Variants in BLK observed in about 807,000 individuals in gnomAD.
BLK encodes tyrosine-protein kinase Blk.
A neutral mutation model predicts 61.8 loss-of-function variants in BLK; 64 were observed. That is an observed-to-expected ratio of 1.03 (90% CI 0.85 to 1.27). The LOEUF (loss-of-function observed/expected upper bound fraction) is 1.27, where lower values mean the gene tolerates loss of function less well. Ranked by LOEUF, BLK falls within the 50% of genes most tolerant of loss-of-function variation. BLK has a pLI of 0.00. For synonymous variants in BLK, 351 were observed against 272.0 expected (o/e 1.29, Z -2.86); for missense variants, 853 against 660.5 (o/e 1.29, Z -3.19).
At chr8:11,515,120 T>G (rs1338375901) in intron 1 of BLK, among the ~76,000 whole-genome samples, 1 of 152,146 alleles carries the variant, frequency 6.6e-6, no homozygotes, top group East Asian at 1.9e-4. Flanking sequence ...ACTTTCAGGG[T>G]TTTGCCCTGT....
intron 1 of BLK, among the ~76,000 whole-genome samples, chr8:11,495,961 T>TA (rs993768408): frequency 2.0e-5 from 3 of 152,082 alleles, no homozygotes. Flanking sequence ...AATAAAGAGT[T>TA]AAAAAAAATT....
At chr8:11,530,773 T>C (rs2249275) in intron 1 of BLK, among the ~76,000 whole-genome samples, 150,053 of 152,324 alleles carry the variant, frequency 0.99, 73,924 homozygotes, top group East Asian at 1. Flanking sequence ...AGTTACTGAA[T>C]GTTTTGGTTG....
chr8:11,506,726 G>A (rs112484431), intron 1 of BLK, among the ~76,000 whole-genome samples: 88 of 152,280 alleles, frequency 5.8e-4, no homozygotes, highest in African/African-American at 1.9e-3. Context: ...CATGCAGGGG[G>A]CTGCTAGAAT....
At chr8:11,547,934 A>G in intron 3 of BLK, 98 bp from the exon 4 acceptor site, 1 of 1,040,562 alleles carries the variant, frequency 9.6e-7, no homozygotes, top group African/African-American at 1.6e-5. Context: ...CATCGTGGGC[A>G]AGCAGAAGCC....
intron 10 of BLK, chr8:11,560,491 C>A (rs745971745): frequency 2.0e-5 from 5 of 247,202 alleles, no homozygotes; most frequent in Non-Finnish European, 3.2e-5. Flanking sequence ...GTGCTGGCTT[C>A]TTGAAGTCGC....
chr8:11,515,153 T>C (rs1351114268), intron 1 of BLK, among the ~76,000 whole-genome samples: 1 of 152,086 alleles, frequency 6.6e-6, no homozygotes, highest in Non-Finnish European at 1.5e-5. Flanking sequence ...TGCCAGGAGA[T>C]GGAAGCTCTC....
intron 1 of BLK, among the ~76,000 whole-genome samples, chr8:11,506,852 C>G (rs975826646): frequency 2.6e-5 from 4 of 152,214 alleles, no homozygotes; most frequent in African/African-American, 9.7e-5. Context: ...CTCAGGGAGG[C>G]CACTTGAGAC....
chr8:11,555,398 G>C lies in BLK; in HGVS notation c.686G>C (p.Trp229Ser). The change falls in exon 8 of 13, where the codon TGG (tryptophan) becomes TCG (serine). Residue 229 changes from tryptophan to serine, a missense_variant. Transcript: ENST00000259089. The part of the protein sequence containing the change: ...PCVRPAPQNP[W>S]AQDEWEIPRQ... ...GTGCGCCCGGCCCCGCAGAATCCCTGGGCCCAGGATGAATGGGAGATCCCC... is the reference window on the plus strand; with the variant it reads ...GTGCGCCCGGCCCCGCAGAATCCCTCGGCCCAGGATGAATGGGAGATCCCC... 1 of 1,614,150 alleles carries C rather than the reference G, an allele frequency of 6.2e-7. No individual in the cohort carries two copies. Among genetic ancestry groups the C allele is most frequent in the Non-Finnish European group, 8.5e-7 (1 of 1,180,022 alleles).
chr8:11,562,686 C>A (rs769593683), intron 11 of BLK, among the ~76,000 whole-genome samples: 1 of 152,244 alleles, frequency 6.6e-6, no homozygotes, highest in South Asian at 2.1e-4. Flanking sequence ...CAGGTGGAAA[C>A]GTGGTGGCTG....
chr8:11,502,117 T>C (rs888454731), intron 1 of BLK, among the ~76,000 whole-genome samples: 6 of 152,188 alleles, frequency 3.9e-5, no homozygotes, highest in African/African-American at 7.2e-5. Context: ...TTCCGCCTTA[T>C]AGACACAGTC....
At chr8:11,532,022 C>T (rs796279169) in intron 1 of BLK, among the ~76,000 whole-genome samples, 12 of 152,158 alleles carry the variant, frequency 7.9e-5, no homozygotes, top group African/African-American at 2.9e-4. Flanking sequence ...CCAAACCCAG[C>T]TAGTTTTTGC....
intron 1 of BLK, among the ~76,000 whole-genome samples, chr8:11,542,185 T>G (rs538738136): frequency 6.6e-6 from 1 of 152,354 alleles, no homozygotes; most frequent in South Asian, 2.1e-4. Context: ...CATTTAATTA[T>G]GTATCACTAA....
intron 1 of BLK, among the ~76,000 whole-genome samples, chr8:11,498,727 C>A (rs1489535369): frequency 6.6e-6 from 1 of 152,172 alleles, no homozygotes; most frequent in Non-Finnish European, 1.5e-5. Flanking sequence ...ATACGAGCAG[C>A]CTTACCTGTC....
At chr8:11,554,540 T>G (rs1801096639) in intron 6 of BLK, among the ~76,000 whole-genome samples, 2 of 152,076 alleles carry the variant, frequency 1.3e-5, no homozygotes, top group Admixed American at 6.6e-5. Flanking sequence ...GATGCCAAGG[T>G]CAGAGTCAGA....
At chr8:11,506,451 G>A (rs555222887) in intron 1 of BLK, among the ~76,000 whole-genome samples, 3 of 152,338 alleles carry the variant, frequency 2.0e-5, no homozygotes, top group South Asian at 2.1e-4. Context: ...TTATGAGGGC[G>A]TTCCTGGCCT....
At chr8:11,511,806 A>G (rs1043609123) in intron 1 of BLK, among the ~76,000 whole-genome samples, 10 of 152,224 alleles carry the variant, frequency 6.6e-5, no homozygotes, top group African/African-American at 1.9e-4. Context: ...TCTTGACCCC[A>G]AAGTATTGGC....
Position 11,548,075 on chromosome 8 carries a change from T to C in BLK, c.219T>C (p.Asn73=). ...CTCTGTATGACTACACCGCTATGAA[T>C]GATCGGGACCTGCAGATGCTGAAGG... ...VVALYDYTAM[N]DRDLQMLKGE... The change falls in exon 4 of 13, where the codon AAT becomes AAC. Residue 73 remains asparagine, a synonymous_variant. Coordinates refer to ENST00000259089, the MANE Select transcript of BLK (RefSeq NM_001715.3). 6.2e-7 allele frequency: 1 copy of C among 1,614,070 alleles called. No homozygotes were observed. Among genetic ancestry groups the C allele is most frequent in the Non-Finnish European group, 8.5e-7 (1 of 1,180,012 alleles).
chr8:11,505,572 C>A (rs765273460), intron 1 of BLK, among the ~76,000 whole-genome samples: 3 of 152,210 alleles, frequency 2.0e-5, no homozygotes, highest in African/African-American at 7.2e-5. Context: ...TCAGGCCCTC[C>A]CCCTTCTAGA....
At position 11,543,204 on chromosome 8, in the gene BLK, C is replaced by G. The variant is rs190640592; in HGVS notation, c.-1-20C>G. The G allele has an allele frequency of 5.9e-5, 96 of 1,613,612 alleles. No individual in the cohort carries two copies. In the East Asian group the frequency reaches 1.6e-3, roughly 28 times the overall value. ...GGCCCCGCTCTCTCATGTCCTCTGT[C>G]TGCTGTGTGTCTCCGACAGGATGGG... is the stretch of plus-strand genomic sequence containing the variant. On this transcript the variant is annotated intron_variant, in intron 1 of 12. Coordinates refer to ENST00000259089, the MANE Select transcript of BLK (RefSeq NM_001715.3).
Sources: gnomAD v4.1 joint callset for allele counts (sites outside exome capture counted in the v4.1 genomes callset) on GRCh38, gnomAD v4.1.1 for gene constraint, MANE v1.5 for transcripts, NCBI Gene and HGNC (gene_info 2026-07-23, HGNC 2026-07-21) for gene names.